The following SULF1 variants were observed in gnomAD, a reference collection of about 807,000 sequenced individuals.
SULF1 encodes extracellular sulfatase Sulf-1.
A neutral mutation model predicts 110.5 loss-of-function variants in SULF1; 46 were observed. The observed-to-expected ratio is 0.42, with a 90% CI of 0.33 to 0.53. SULF1 has a LOEUF of 0.53. Among genes scored for constraint, SULF1 ranks in the 20% least tolerant of loss-of-function variants. The pLI is 0.12. For synonymous variants in SULF1, 371 were observed against 387.1 expected (o/e 0.96, Z 0.49); for missense variants, 941 against 1,094.2 (o/e 0.86, Z 1.98).
intron 3 of SULF1, among the ~76,000 whole-genome samples, chr8:69,513,429 A>G (rs1811710958): frequency 6.6e-6 from 1 of 152,244 alleles, no homozygotes; most frequent in African/African-American, 2.4e-5. Flanking sequence ...CAAGAACTCC[A>G]TGGAATAATG....
chr8:69,628,633 A>C (rs4284050), intron 18 of SULF1, among the ~76,000 whole-genome samples: 90,789 of 152,046 alleles, frequency 0.6, 27,416 homozygotes, highest in East Asian at 0.67. Context: ...AAGAAATATA[A>C]ATTTTTTTAA....
At position 69,638,822 on chromosome 8, in the gene SULF1, A is replaced by G; in HGVS notation, c.2515A>G (p.Lys839Glu). Residue 839 changes from lysine (K) to glutamate (E), a missense_variant, in exon 21 of 23, where the codon AAG (lysine) becomes GAG (glutamate). This residue lies in a region of SULF1 where 112 missense variants were observed against 133.5 expected (regional missense o/e 0.84). Coordinates refer to ENST00000402687, the MANE Select transcript of SULF1 (RefSeq NM_001128205.2). ...GGAGCTCAGAAGCTGTCAAGGATAT[A>G]AGCAGTGCAACCCAAGACCTAAGAA... Reference protein sequence around the residue: ...LMELRSCQGYKQCNPRPKNLD... With the variant: ...LMELRSCQGYEQCNPRPKNLD... 2.5e-6 allele frequency: 4 copies of G among 1,614,060 alleles called. No individual in the cohort carries two copies. Among genetic ancestry groups the G allele is most frequent in the Middle Eastern group, 1.6e-4 (1 of 6,062 alleles).
At chr8:69,497,645 G>C (rs1250037924) in intron 2 of SULF1, among the ~76,000 whole-genome samples, 2 of 152,188 alleles carry the variant, frequency 1.3e-5, no homozygotes, top group African/African-American at 4.8e-5. Flanking sequence ...CTGATGAATG[G>C]TGCTAGTGTT....
intron 14 of SULF1, among the ~76,000 whole-genome samples, chr8:69,622,184 C>A (rs1163757525): frequency 3.3e-5 from 5 of 152,148 alleles, no homozygotes; most frequent in African/African-American, 1.2e-4. Flanking sequence ...TAAAGGAATC[C>A]GTAAGCCAAA....
At position 69,592,868 on chromosome 8, in the gene SULF1, CA is replaced by C. The variant is rs1470835050; in HGVS notation, c.734+3729del. 2.4e-5 allele frequency: 23 copies of C among 964,696 alleles called. No homozygotes were observed. The Admixed American group carries it at 9.9e-4, about 41-fold the overall frequency. The allele number at this position is 964,696 out of a possible 1,614,324, so 59.8% of individuals were successfully genotyped here. A position where few individuals can be genotyped will look rare whatever the true frequency, so the allele number is the denominator to read the frequency against. ...CATTGTGACATGACAGACCTCTTGA[CA>C]AGCTAAGACTCCCATTGTGATGAGC... On this transcript the variant is annotated intron_variant, in intron 8 of 22. Transcript: ENST00000402687.
chr8:69,522,658 AAG>A (rs1464270239), intron 3 of SULF1, among the ~76,000 whole-genome samples: 3 of 152,226 alleles, frequency 2.0e-5, no homozygotes, highest in Non-Finnish European at 2.9e-5. Context: ...TCAAAAGTCA[AAG>A]AGAAGAGGAG....
At chr8:69,602,454 A>G (rs1395760636) in intron 10 of SULF1, among the ~76,000 whole-genome samples, 1 of 152,212 alleles carries the variant, frequency 6.6e-6, no homozygotes, top group Non-Finnish European at 1.5e-5. Flanking sequence ...TGGAAAGACT[A>G]AAAGAAAAAG....
At chr8:69,539,194 T>C (rs780037649) in intron 3 of SULF1, among the ~76,000 whole-genome samples, 4 of 152,182 alleles carry the variant, frequency 2.6e-5, no homozygotes, top group Non-Finnish European at 4.4e-5. Context: ...TTAGCCATTG[T>C]TCTTGGAAAG....
intron 13 of SULF1, among the ~76,000 whole-genome samples, chr8:69,610,685 A>C (rs1163712913): frequency 6.6e-6 from 1 of 152,334 alleles, no homozygotes; most frequent in East Asian, 1.9e-4. Context: ...ATTTGTTCTA[A>C]ACAAGTCAAA....
intron 6 of SULF1, chr8:69,584,490 G>A (rs113889290): frequency 1.3e-5 from 2 of 152,312 alleles, no homozygotes; most frequent in African/African-American, 4.8e-5. Flanking sequence ...CATTCAGATG[G>A]AGGAATTCTA....
At chr8:69,639,837 T>G (rs1811325830) in intron 21 of SULF1, among the ~76,000 whole-genome samples, 1 of 152,192 alleles carries the variant, frequency 6.6e-6, no homozygotes, top group African/African-American at 2.4e-5. Context: ...TCACCACCTG[T>G]CATCTCCTTT....
chr8:69,539,434 A>G (rs181447672), intron 3 of SULF1, among the ~76,000 whole-genome samples: 2 of 152,324 alleles, frequency 1.3e-5, no homozygotes, highest in African/African-American at 2.4e-5. Context: ...ATATGAAAAG[A>G]TCTTGCGCTT....
intron 5 of SULF1, among the ~76,000 whole-genome samples, chr8:69,569,686 A>G (rs1374863684): frequency 1.3e-5 from 2 of 152,156 alleles, no homozygotes; most frequent in Non-Finnish European, 2.9e-5. Flanking sequence ...TACCTTATCT[A>G]TGTAGCCCTG....
At chr8:69,554,438 T>C (rs1335573254) in intron 3 of SULF1, among the ~76,000 whole-genome samples, 2 of 152,222 alleles carry the variant, frequency 1.3e-5, no homozygotes. Flanking sequence ...TTCTATAAAT[T>C]CTTATGCATA....
intron 8 of SULF1, among the ~76,000 whole-genome samples, chr8:69,591,816 C>T (rs1806931172): frequency 6.6e-6 from 1 of 152,196 alleles, no homozygotes; most frequent in Non-Finnish European, 1.5e-5. Context: ...TATTGACACA[C>T]AGCCATGCTC....
chr8:69,599,624 G>A (rs944005710), intron 8 of SULF1, among the ~76,000 whole-genome samples: 1 of 152,104 alleles, frequency 6.6e-6, no homozygotes, highest in Non-Finnish European at 1.5e-5. Context: ...ACTCTCACTC[G>A]GTTTTTAATA....
chr8:69,622,583 T>G (rs1325763210), intron 14 of SULF1, among the ~76,000 whole-genome samples: 1 of 147,736 alleles, frequency 6.8e-6, no homozygotes, highest in Non-Finnish European at 1.5e-5. Flanking sequence ...AGACTCCGTC[T>G]CAAAAAAAAA....
intron 8 of SULF1, among the ~76,000 whole-genome samples, chr8:69,599,135 G>C (rs980662938): frequency 6.6e-6 from 1 of 152,020 alleles, no homozygotes; most frequent in African/African-American, 2.4e-5. Flanking sequence ...AGATCCAGTG[G>C]AGGACTCGGT....
intron 13 of SULF1, among the ~76,000 whole-genome samples, chr8:69,609,965 G>C (rs555600251): frequency 4.6e-5 from 7 of 152,306 alleles, no homozygotes; most frequent in African/African-American, 1.7e-4. Flanking sequence ...CATAGGTATT[G>C]ACGTCTTAAA....
Sources: allele counts gnomAD v4.1 joint callset (sites outside exome capture counted in the v4.1 genomes callset), GRCh38; gene constraint gnomAD v4.1.1; regional missense constraint gnomAD v4.1.1; transcripts MANE v1.5; gene names NCBI Gene and HGNC (gene_info 2026-07-23, HGNC 2026-07-21).